The following IGF1R variants were observed in gnomAD, a reference collection of about 807,000 sequenced individuals.
IGF1R encodes insulin-like growth factor 1 receptor.
A neutral mutation model predicts 144.6 loss-of-function variants in IGF1R; 44 were observed. That is an observed-to-expected ratio of 0.30 (90% CI 0.24 to 0.39). The LOEUF is 0.39. Among genes scored for constraint, IGF1R ranks in the 10% least tolerant of loss-of-function variants. IGF1R has a pLI of 1.00. For synonymous variants in IGF1R, 795 were observed against 722.8 expected (o/e 1.10, Z -1.60); for missense variants, 1,355 against 1,833.7 (o/e 0.74, Z 4.77).
intron 1 of IGF1R, among the ~76,000 whole-genome samples, chr15:98,686,015 C>CTCCA (rs1366985219): frequency 4.6e-5 from 7 of 152,260 alleles, no homozygotes; most frequent in Non-Finnish European, 7.3e-5. Context: ...CAAACTGAAA[C>CTCCA]TCCATGTCCA....
At chr15:98,789,409 T>C (rs2056079044) in intron 2 of IGF1R, among the ~76,000 whole-genome samples, 1 of 152,234 alleles carries the variant, frequency 6.6e-6, no homozygotes. Context: ...ATGTATGTAG[T>C]ATGTTTCAAA....
chr15:98,767,019 C>T (rs1171155323), intron 2 of IGF1R, among the ~76,000 whole-genome samples: 1 of 152,104 alleles, frequency 6.6e-6, no homozygotes, highest in Admixed American at 6.5e-5. Flanking sequence ...CCCTTCCTTT[C>T]CGCCCGTTAA....
Position 98,704,946 on chromosome 15 carries a change from G to A in IGF1R, c.95-2616G>A, listed in dbSNP as rs2053826295. On this transcript the variant is annotated intron_variant, in intron 1 of 20. Coordinates refer to ENST00000650285, the MANE Select transcript of IGF1R (RefSeq NM_000875.5). This position sits in a 1 kb window ranked among gnomAD's most constrained non-coding sequence, Gnocchi z 4.9. ...CAGGAATGACTCTTTGATTCTTAAC[G>A]TGAGCAACTCAGAGAATGAGAGTGC... 1.3e-5 allele frequency among the ~76,000 whole-genome samples: 2 copies of A among 152,216 alleles called. No homozygotes were observed. The highest frequency in any genetic ancestry group is 2.4e-5 in the African/African-American group (1 of 41,454).
At chr15:98,847,196 C>T (rs141034503) in intron 2 of IGF1R, among the ~76,000 whole-genome samples, 24 of 152,226 alleles carry the variant, frequency 1.6e-4, no homozygotes, top group African/African-American at 5.3e-4. Flanking sequence ...AGGCTGGTCT[C>T]GAACTCCTGA....
intron 2 of IGF1R, among the ~76,000 whole-genome samples, chr15:98,757,383 C>G (rs2055181016): frequency 6.6e-6 from 1 of 152,058 alleles, no homozygotes; most frequent in Admixed American, 6.6e-5. Flanking sequence ...AGGCTGGTCT[C>G]AAACTCCTGA....
At chr15:98,780,571 AAAAAG>A (rs1302853304) in intron 2 of IGF1R, among the ~76,000 whole-genome samples, 11 of 76,090 alleles carry the variant, frequency 1.4e-4, no homozygotes, top group South Asian at 5.8e-4. Context: ...AAAAAAAAAA[AAAAAG>A]AGAGAGAGAG....
intron 13 of IGF1R, among the ~76,000 whole-genome samples, chr15:98,928,839 T>C (rs1360587971): frequency 6.6e-6 from 1 of 152,124 alleles, no homozygotes; most frequent in African/African-American, 2.4e-5. Context: ...CAGTGGCTTC[T>C]GTGGTCTTAG....
intron 2 of IGF1R, among the ~76,000 whole-genome samples, chr15:98,771,607 C>A (rs1347076272): frequency 6.6e-6 from 1 of 152,118 alleles, no homozygotes; most frequent in Non-Finnish European, 1.5e-5. Flanking sequence ...AGAGACATCA[C>A]TGGTGAGGCC....
intron 2 of IGF1R, among the ~76,000 whole-genome samples, chr15:98,872,745 G>A (rs1039830952): frequency 1.3e-5 from 2 of 152,044 alleles, no homozygotes; most frequent in Non-Finnish European, 2.9e-5. Flanking sequence ...CCCTGTTCTT[G>A]CATGGGCACA....
In IGF1R at chr15:98,960,824, CCTT is replaced by C; in HGVS notation, c.*3384_*3386del. On this transcript the variant is annotated 3_prime_UTR_variant, in exon 21 of 21. Transcript: ENST00000650285. Reference sequence around the variant, plus strand: ...TGCCCTCTCAACTTCTCCCTCACCTCCTTCCCTAGGGGTAGACAGAGATGTACC... The same window carrying C: ...TGCCCTCTCAACTTCTCCCTCACCTCCCCTAGGGGTAGACAGAGATGTACC... The C allele has an allele frequency of 4.3e-6, 1 of 233,880 alleles. No homozygotes were observed. Among genetic ancestry groups the C allele is most frequent in the African/African-American group, 2.2e-5 (1 of 45,476 alleles). 14.5% of individuals were successfully genotyped at this position (233,880 alleles called of 1,614,324 possible). A position where few individuals can be genotyped will look rare whatever the true frequency, so the allele number is the denominator to read the frequency against.
chr15:98,962,824 A>ATC lies in IGF1R; in HGVS notation c.*5382_*5383insTC, dbSNP rs1312694080. The ATC allele has an allele frequency of 4.3e-6, 1 of 233,606 alleles. No individual in the cohort carries two copies. The highest frequency in any genetic ancestry group is 8.5e-6 in the Non-Finnish European group (1 of 118,070). 14.5% of individuals were successfully genotyped at this position (233,606 alleles called of 1,614,324 possible). On this transcript the variant is annotated 3_prime_UTR_variant, in exon 21 of 21. Transcript: ENST00000650285. ...AAAGAAACCTAACATCCTACTCTGG[A>ATC]AACTGATCTCGGAGTTAAGGCGAAT...
intron 1 of IGF1R, among the ~76,000 whole-genome samples, chr15:98,706,598 A>AC (rs1463582542): frequency 6.6e-6 from 1 of 151,966 alleles, no homozygotes; most frequent in Non-Finnish European, 1.5e-5. Flanking sequence ...TTAAAAAAAA[A>AC]AAACAACCCT....
chr15:98,655,464 T>C (rs958277359), intron 1 of IGF1R, among the ~76,000 whole-genome samples: 1 of 152,216 alleles, frequency 6.6e-6, no homozygotes, highest in African/African-American at 2.4e-5. Context: ...AAAACTGATA[T>C]TTCCTTACTT....
In IGF1R at chr15:98,908,778, C is replaced by T. The variant is rs2151670234; in HGVS notation, c.1341C>T (p.Tyr447=). 1 of 1,614,154 alleles carries T rather than the reference C, an allele frequency of 6.2e-7. No homozygotes were observed. The highest frequency in any genetic ancestry group is 8.5e-7 in the Non-Finnish European group (1 of 1,179,996). Residue 447 remains tyrosine (Y), a synonymous_variant, in exon 6 of 21, where the codon TAC becomes TAT. Coordinates refer to ENST00000650285, the MANE Select transcript of IGF1R (RefSeq NM_000875.5). The part of the protein sequence containing the change: ...RNLTIKAGKM[Y]FAFNPKLCVS... The stretch of plus-strand genomic sequence containing the variant: ...TGACCATCAAAGCAGGGAAAATGTA[C>T]TTTGCTTTCAATCCCAAATTATGTG...
intron 2 of IGF1R, among the ~76,000 whole-genome samples, chr15:98,717,135 A>G (rs974026308): frequency 6.6e-6 from 1 of 152,178 alleles, no homozygotes; most frequent in African/African-American, 2.4e-5. Flanking sequence ...TCCTGTGTGG[A>G]CAAGTGGTAT....
At chr15:98,708,148 C>G in intron 2 of IGF1R, 41 bp downstream of exon 2, 8 of 1,520,498 alleles carry the variant, frequency 5.3e-6, no homozygotes, top group Non-Finnish European at 7.3e-6. Context: ...CTGCCTCTCT[C>G]TCTCCTCTCC....
At chr15:98,828,584 C>T (rs1475124945) in intron 2 of IGF1R, among the ~76,000 whole-genome samples, 3 of 152,026 alleles carry the variant, frequency 2.0e-5, no homozygotes, top group Non-Finnish European at 4.4e-5. Context: ...TTTCAAAACC[C>T]CTCTCATCAC....
chr15:98,828,594 C>T (rs559815814), intron 2 of IGF1R, among the ~76,000 whole-genome samples: 3 of 152,254 alleles, frequency 2.0e-5, no homozygotes, highest in Admixed American at 6.5e-5. Flanking sequence ...CCTCTCATCA[C>T]GTTCCCACTG....
intron 1 of IGF1R, among the ~76,000 whole-genome samples, chr15:98,670,704 A>G (rs1297331045): frequency 6.6e-6 from 1 of 152,158 alleles, no homozygotes; most frequent in Non-Finnish European, 1.5e-5. Flanking sequence ...CATTGCAGTT[A>G]TATTTGACTA....
Sources: allele counts gnomAD v4.1 joint callset (sites outside exome capture counted in the v4.1 genomes callset), GRCh38; gene constraint gnomAD v4.1.1; non-coding constraint Gnocchi (gnomAD v3.1); transcripts MANE v1.5; gene names NCBI Gene and HGNC (gene_info 2026-07-23, HGNC 2026-07-21).